ABCA12: variants seen among roughly 807,000 people sequenced by gnomAD.
The protein encoded by ABCA12 is ATP binding cassette subfamily A member 12.
A neutral mutation model predicts 293.5 loss-of-function variants in ABCA12; 156 were observed. The observed-to-expected ratio is 0.53, with a 90% CI of 0.47 to 0.61. ABCA12 has a LOEUF of 0.61. ABCA12 is among the 20% of genes least tolerant of loss of function. The pLI is 0.00. For synonymous variants in ABCA12, 1,063 were observed against 1,108.0 expected (o/e 0.96, Z 0.81); for missense variants, 2,797 against 3,090.2 (o/e 0.91, Z 2.25).
At chr2:215,067,836 A>G (rs1170160901) in intron 2 of ABCA12, among the ~76,000 whole-genome samples, 2 of 152,188 alleles carry the variant, frequency 1.3e-5, no homozygotes, top group Non-Finnish European at 2.9e-5. Context: ...AAACCAAACT[A>G]TGAAACAATT....
intron 36 of ABCA12, among the ~76,000 whole-genome samples, chr2:214,971,826 T>C (rs1005244201): frequency 3.3e-5 from 5 of 152,230 alleles, no homozygotes; most frequent in African/African-American, 4.8e-5. Context: ...TTGGGATATA[T>C]TGCCAAGTAG....
At chr2:214,966,711 TA>T in intron 39 of ABCA12, 136 bp downstream of exon 39, 3 of 787,078 alleles carry the variant, frequency 3.8e-6, no homozygotes, top group African/African-American at 1.7e-5. Flanking sequence ...TTACTACTTC[TA>T]AACTCCTTTT....
In ABCA12 at chr2:214,932,221, A is replaced by ATGT. The variant is rs1477258963; in HGVS notation, c.*410_*412dup. On this transcript the variant is annotated 3_prime_UTR_variant, in exon 53 of 53. Transcript: ENST00000272895. ...TTCTGTTGTTTTCTGGAAATAAATT[A>ATGT]TGTTGTCTGCTTGCCCGGTGGCACC... The ATGT allele has an allele frequency of 4.1e-6, 1 of 244,712 alleles. No individual in the cohort carries two copies. Among genetic ancestry groups the ATGT allele is most frequent in the Non-Finnish European group, 8.0e-6 (1 of 124,446 alleles). 15.2% of individuals were successfully genotyped at this position (244,712 alleles called of 1,614,324 possible).
chr2:214,995,238 T>G (rs1393357698), intron 23 of ABCA12, among the ~76,000 whole-genome samples: 1 of 152,174 alleles, frequency 6.6e-6, no homozygotes, highest in African/African-American at 2.4e-5. Context: ...TTGCCAGGAC[T>G]GAGAATAATT....
chr2:215,053,703 A>G (rs1312291481), intron 4 of ABCA12, among the ~76,000 whole-genome samples: 1 of 151,850 alleles, frequency 6.6e-6, no homozygotes, highest in Non-Finnish European at 1.5e-5. Context: ...TAAATATCCC[A>G]TGGCCTTTTA....
intron 4 of ABCA12, among the ~76,000 whole-genome samples, chr2:215,054,351 C>T (rs1292611382): frequency 6.6e-6 from 1 of 152,140 alleles, no homozygotes; most frequent in Non-Finnish European, 1.5e-5. Context: ...GGCTTTTGCT[C>T]CTATGGAGTA....
At chr2:214,992,699 T>C (rs1005122808) in intron 23 of ABCA12, among the ~76,000 whole-genome samples, 2 of 150,788 alleles carry the variant, frequency 1.3e-5, no homozygotes, top group African/African-American at 4.9e-5. Context: ...CCATCTCTAC[T>C]AAAAATACAA....
At chr2:215,138,060 A>G in intron 1 of ABCA12, 80 bp downstream of exon 1, 1 of 1,382,810 alleles carries the variant, frequency 7.2e-7, no homozygotes, top group South Asian at 1.2e-5. Flanking sequence ...TTCTGTTTTC[A>G]CTTCTCATTA....
At chr2:215,041,424 T>C (rs1575004793) in intron 7 of ABCA12, among the ~76,000 whole-genome samples, 1 of 151,968 alleles carries the variant, frequency 6.6e-6, no homozygotes, top group African/African-American at 2.4e-5. Flanking sequence ...TGGTGGCACG[T>C]GCCTGTAGTC....
intron 46 of ABCA12, 92 bp downstream of exon 46, chr2:214,948,948 A>G (rs1041372085): frequency 3.1e-6 from 4 of 1,294,356 alleles, no homozygotes; most frequent in Admixed American, 1.8e-5. Context: ...ACTGAATAAT[A>G]TAACCACAAA....
At chr2:215,111,543 AAATTTT>A (rs1702570021) in intron 2 of ABCA12, 48 bp downstream of exon 2, 2 of 1,454,510 alleles carry the variant, frequency 1.4e-6, no homozygotes, top group East Asian at 4.6e-5. Context: ...GTACCAAAAT[AAATTTT>A]AACTAGAATC....
chr2:215,038,202 A>G (rs998020262), intron 7 of ABCA12, among the ~76,000 whole-genome samples: 1 of 152,220 alleles, frequency 6.6e-6, no homozygotes, highest in African/African-American at 2.4e-5. Flanking sequence ...ATAAACATAC[A>G]TAAAAATATA....
Position 215,064,200 on chromosome 2 carries a change from G to A in ABCA12, c.183C>T (p.Asn61=). The change falls in exon 3 of 53, where the codon AAC becomes AAT. Residue 61 remains asparagine, a synonymous_variant. Coordinates refer to ENST00000272895, the MANE Select transcript of ABCA12 (RefSeq NM_173076.3). ...AKPTCYLAPR[N]LPSTGFFPFL... ...ATGGAAAGAATCCAGTACTAGGAAG[G>A]TTTCGAGGTGCGAGGTAACCTAAAA... The A allele has an allele frequency of 6.2e-7, 1 of 1,612,620 alleles. No homozygotes were observed. Among genetic ancestry groups the A allele is most frequent in the African/African-American group, 1.3e-5 (1 of 74,902 alleles).
intron 1 of ABCA12, among the ~76,000 whole-genome samples, chr2:215,118,687 C>T (rs1702738515): frequency 6.6e-6 from 1 of 151,884 alleles, no homozygotes; most frequent in African/African-American, 2.4e-5. Context: ...GGGGATACAG[C>T]AATGTAAGTT....
intron 21 of ABCA12, 103 bp from the exon 22 acceptor site, chr2:215,001,123 T>C (rs933612453): frequency 6.0e-6 from 7 of 1,165,656 alleles, no homozygotes; most frequent in Non-Finnish European, 8.7e-6. Context: ...TCAATTGAGT[T>C]AGTAATGTGA....
Position 215,000,831 on chromosome 2 carries a change from C to T in ABCA12, c.3053G>A (p.Gly1018Asp). 1 of 1,614,118 alleles carries T rather than the reference C, an allele frequency of 6.2e-7. No homozygotes were observed. ...ATCCTGTAAATAAATAAAAGCCCTG[C>T]CATAGATCTGGTTGTGTGATGGAGA... Reference protein sequence around the residue: ...HNSPSHNQIYGRAFIYLQDSI... With the variant: ...HNSPSHNQIYDRAFIYLQDSI... Residue 1018 changes from glycine (G) to aspartate (D), a missense_variant, in exon 22 of 53, where the codon GGC (glycine) becomes GAC (aspartate). Gly to Asp is a moderately conservative substitution (Grantham distance 94). Around this residue, in one of 3 missense-constraint regions of ABCA12, gnomAD observed 2,130 missense variants for 2,427.0 expected, o/e 0.88. Coordinates refer to ENST00000272895, the MANE Select transcript of ABCA12 (RefSeq NM_173076.3).
chr2:215,008,660 TA>T (rs142373078), intron 18 of ABCA12, among the ~76,000 whole-genome samples: 2,019 of 152,162 alleles, frequency 0.013, 47 homozygotes, highest in African/African-American at 0.044. Context: ...TAATAATCTA[TA>T]AAGGATTGGA....
chr2:215,030,956 A>G (rs140798675), intron 9 of ABCA12, among the ~76,000 whole-genome samples: 117 of 152,352 alleles, frequency 7.7e-4, no homozygotes, highest in Non-Finnish European at 1.1e-3. Context: ...AAGAATTTCA[A>G]TAGTATAATT....
intron 6 of ABCA12, among the ~76,000 whole-genome samples, chr2:215,048,013 T>A (rs964328128): frequency 6.7e-6 from 1 of 148,330 alleles, no homozygotes; most frequent in Non-Finnish European, 1.5e-5. Flanking sequence ...GCAAAGGACA[T>A]GAACAGATGC....
Sources: allele counts gnomAD v4.1 joint callset (sites outside exome capture counted in the v4.1 genomes callset), GRCh38; gene constraint gnomAD v4.1.1; regional missense constraint gnomAD v4.1.1; transcripts MANE v1.5; gene names NCBI Gene and HGNC (gene_info 2026-07-23, HGNC 2026-07-21).